PLCXD3: variants seen among roughly 807,000 people sequenced by gnomAD.
The protein encoded by PLCXD3 is PI-PLC X domain-containing protein 3.
A neutral mutation model predicts 25.5 loss-of-function variants in PLCXD3; 19 were observed. The observed-to-expected ratio is 0.75, with a 90% CI of 0.52 to 1.09. The LOEUF (loss-of-function observed/expected upper bound fraction) is 1.09, where lower values mean the gene tolerates loss of function less well. PLCXD3 is among the 50% of genes least tolerant of loss of function. The pLI, the probability that PLCXD3 is intolerant of heterozygous loss-of-function variation, is 0.00. For missense variants in PLCXD3, 411 were observed against 388.1 expected (o/e 1.06, Z -0.50); for synonymous variants, 174 against 137.6 (o/e 1.26, Z -1.85).
At chr5:41,478,097 G>A (rs1042182237) in intron 1 of PLCXD3, among the ~76,000 whole-genome samples, 4 of 152,148 alleles carry the variant, frequency 2.6e-5, no homozygotes, top group Non-Finnish European at 4.4e-5. Context: ...GGCTGGCCAT[G>A]TTTTTCTGTT....
At chr5:41,332,185 A>G (rs1743836604) in intron 2 of PLCXD3, among the ~76,000 whole-genome samples, 7 of 152,108 alleles carry the variant, frequency 4.6e-5, no homozygotes. Context: ...AATTTTCACA[A>G]CCTACTCATC....
chr5:41,402,611 C>G (rs1294095091), intron 1 of PLCXD3, among the ~76,000 whole-genome samples: 1 of 151,726 alleles, frequency 6.6e-6, no homozygotes, highest in Non-Finnish European at 1.5e-5. Context: ...TTCCATATCT[C>G]TATTAATTTT....
intron 1 of PLCXD3, among the ~76,000 whole-genome samples, chr5:41,416,444 C>A (rs1353165201): frequency 6.6e-6 from 1 of 152,178 alleles, no homozygotes; most frequent in Non-Finnish European, 1.5e-5. Context: ...AGTCAGGGCC[C>A]AGTGAGGGTG....
At chr5:41,508,949 T>C (rs1217282673) in intron 1 of PLCXD3, among the ~76,000 whole-genome samples, 1 of 152,158 alleles carries the variant, frequency 6.6e-6, no homozygotes, top group Non-Finnish European at 1.5e-5. Context: ...TTGGTTCTTT[T>C]CCTTGGAGAT....
At chr5:41,380,279 A>T (rs2150492101) in intron 2 of PLCXD3, among the ~76,000 whole-genome samples, 1 of 152,126 alleles carries the variant, frequency 6.6e-6, no homozygotes, top group South Asian at 2.1e-4. Flanking sequence ...TCTCCCATTC[A>T]TATCACATAG....
At chr5:41,427,203 C>T (rs2150507579) in intron 1 of PLCXD3, among the ~76,000 whole-genome samples, 1 of 152,200 alleles carries the variant, frequency 6.6e-6, no homozygotes, top group South Asian at 2.1e-4. Flanking sequence ...ATATTTCCCA[C>T]TCCCTATCTT....
Position 41,478,137 on chromosome 5 carries a change from T to C in PLCXD3, c.103+32287A>G, listed in dbSNP as rs1003279209. On this transcript the variant is annotated intron_variant, in intron 1 of 2. Transcript: ENST00000377801. ...AGATGACACTGCAGTGACTTAACAC[T>C]TTGCCTTTTAAGATGCAATGTTGGT... Among the ~76,000 whole-genome samples, 4 of 152,184 alleles carry C rather than the reference T, an allele frequency of 2.6e-5. No homozygotes were observed. The South Asian group carries it at 6.2e-4, about 24-fold the overall frequency.
chr5:41,491,006 A>C (rs932917610), intron 1 of PLCXD3, among the ~76,000 whole-genome samples: 2 of 151,844 alleles, frequency 1.3e-5, no homozygotes, highest in Admixed American at 6.6e-5. Flanking sequence ...TTGCTTTTCT[A>C]GTTCTTTTAA....
chr5:41,455,187 T>C (rs1747725665), intron 1 of PLCXD3, among the ~76,000 whole-genome samples: 1 of 151,946 alleles, frequency 6.6e-6, no homozygotes, highest in Non-Finnish European at 1.5e-5. Flanking sequence ...TCACCAATCC[T>C]GCCAGCAACT....
At chr5:41,370,518 T>C (rs1024311632) in intron 2 of PLCXD3, among the ~76,000 whole-genome samples, 3 of 152,216 alleles carry the variant, frequency 2.0e-5, no homozygotes, top group African/African-American at 7.2e-5. Flanking sequence ...TTAATATTTC[T>C]ATTAAATTTG....
intron 1 of PLCXD3, among the ~76,000 whole-genome samples, chr5:41,419,791 C>G (rs537747077): frequency 6.6e-6 from 1 of 152,230 alleles, no homozygotes; most frequent in East Asian, 1.9e-4. Context: ...AGGGAAAAGA[C>G]CATAGACCAA....
chr5:41,503,595 A>G (rs937517600), intron 1 of PLCXD3, among the ~76,000 whole-genome samples: 8 of 152,132 alleles, frequency 5.3e-5, no homozygotes, highest in Admixed American at 3.9e-4. Flanking sequence ...TCCTGTCTTA[A>G]TAGAGCATAA....
At chr5:41,409,865 C>T (rs1580358329) in intron 1 of PLCXD3, among the ~76,000 whole-genome samples, 1 of 152,282 alleles carries the variant, frequency 6.6e-6, no homozygotes, top group African/African-American at 2.4e-5. Context: ...GCAGTAAACA[C>T]AAATTATGCA....
intron 1 of PLCXD3, among the ~76,000 whole-genome samples, chr5:41,426,020 G>T (rs1247294433): frequency 1.3e-5 from 2 of 152,184 alleles, no homozygotes; most frequent in Non-Finnish European, 2.9e-5. Context: ...AGTTTTGGGA[G>T]AAACTGCCCA....
intron 1 of PLCXD3, among the ~76,000 whole-genome samples, chr5:41,475,273 G>A (rs56243389): frequency 2.0e-5 from 3 of 152,312 alleles, no homozygotes; most frequent in Non-Finnish European, 4.4e-5. Flanking sequence ...CAGCAGACTT[G>A]TAACGGGGTT....
At position 41,311,477 on chromosome 5, in the gene PLCXD3, A is replaced by T. The variant is rs1213101406; in HGVS notation, c.*2140T>A. On this transcript the variant is annotated 3_prime_UTR_variant, in exon 3 of 3. Coordinates refer to ENST00000377801, the MANE Select transcript of PLCXD3 (RefSeq NM_001005473.3). ...AGGGTTTCAGTCTTAAAATTAAATT[A>T]TTTAATATTATCAATGTCTTCATTT... is the stretch of plus-strand genomic sequence containing the variant. The T allele has an allele frequency of 6.6e-6, 1 of 152,126 alleles. No individual in the cohort carries two copies. Among genetic ancestry groups the T allele is most frequent in the Non-Finnish European group, 1.5e-5 (1 of 67,992 alleles). The allele number at this position is 152,126 out of a possible 1,614,324, so 9.4% of individuals were successfully genotyped here.
At chr5:41,465,081 A>G in intron 1 of PLCXD3, among the ~76,000 whole-genome samples, 1 of 152,020 alleles carries the variant, frequency 6.6e-6, no homozygotes, top group East Asian at 1.9e-4. Flanking sequence ...AAAAATTATT[A>G]AAAGCATTTA....
At chr5:41,418,421 T>A (rs193186663) in intron 1 of PLCXD3, among the ~76,000 whole-genome samples, 1 of 152,262 alleles carries the variant, frequency 6.6e-6, no homozygotes, top group East Asian at 1.9e-4. Flanking sequence ...GAAATTCTGG[T>A]GACACACAGC....
rs540052084 is a variant in PLCXD3 at position 41,413,885 on chromosome 5, G to A, written c.104-31351C>T. Among the ~76,000 whole-genome samples, 129 of 152,142 alleles carry A rather than the reference G, an allele frequency of 8.5e-4. 1 individual carries two copies. Among genetic ancestry groups the A allele is most frequent in the Non-Finnish European group, 1.7e-3 (113 of 67,992 alleles). On this transcript the variant is annotated intron_variant, in intron 1 of 2. Transcript: ENST00000377801. ...AAATATTTATTTTTTAAAATGCACC[G>A]CTGAGCTGGTAAGAACATAAGGGCA...
Sources: allele counts gnomAD v4.1 joint callset (sites outside exome capture counted in the v4.1 genomes callset), GRCh38; gene constraint gnomAD v4.1.1; transcripts MANE v1.5; gene names NCBI Gene and HGNC (gene_info 2026-07-23, HGNC 2026-07-21).